The following SORCS2 variants were observed in gnomAD, a reference collection of about 807,000 sequenced individuals.
The protein encoded by SORCS2 is VPS10 domain-containing receptor SorCS2.
In SORCS2, 100 loss-of-function variants were observed where a neutral mutation model predicts 141.6. The ratio of observed to expected loss-of-function variants is 0.71; its 90% CI spans 0.60 to 0.83. SORCS2 has a LOEUF of 0.83. Ranked by LOEUF, SORCS2 falls within the 40% of genes least tolerant of loss-of-function variation. The pLI, the probability that SORCS2 is intolerant of heterozygous loss-of-function variation, is 0.00. For synonymous variants in SORCS2, 789 were observed against 676.9 expected (o/e 1.17, Z -2.57); for missense variants, 1,646 against 1,560.2 (o/e 1.05, Z -0.93).
At chr4:7,268,938 G>A (rs2108838153) in intron 1 of SORCS2, among the ~76,000 whole-genome samples, 1 of 152,226 alleles carries the variant, frequency 6.6e-6, no homozygotes, top group South Asian at 2.1e-4. Flanking sequence ...GAGGGAAGGA[G>A]GGAGGTGGCA....
At chr4:7,372,441 G>C (rs138586419) in intron 1 of SORCS2, among the ~76,000 whole-genome samples, 2,555 of 152,162 alleles carry the variant, frequency 0.017, 73 homozygotes, top group African/African-American at 0.057. Flanking sequence ...CAAGTAGCTG[G>C]GATTACAGGC....
intron 2 of SORCS2, among the ~76,000 whole-genome samples, chr4:7,423,015 C>T (rs1432786487): frequency 2.1e-5 from 3 of 144,082 alleles, no homozygotes; most frequent in Admixed American, 6.9e-5. Context: ...ACCCCTCTCT[C>T]CACTTCTCAG....
At chr4:7,498,522 C>G (rs989060742) in intron 2 of SORCS2, among the ~76,000 whole-genome samples, 26 of 152,246 alleles carry the variant, frequency 1.7e-4, no homozygotes, top group Non-Finnish European at 3.5e-4. Flanking sequence ...AATCCCAACC[C>G]CTCCCTAGCT....
rs1055379340 is a variant in SORCS2 at position 7,193,559 on chromosome 4, G to C, written c.480+433G>C. On this transcript the variant is annotated intron_variant, in intron 1 of 26. Coordinates refer to ENST00000507866, the MANE Select transcript of SORCS2 (RefSeq NM_020777.3). The surrounding 1 kb of genome is among the most constrained non-coding windows in gnomAD (Gnocchi z 4.8). ...GGGCTCCGGGATCCTTCCCTCCCTG[G>C]TCTACCAGGGACTCCGCGGTGGCGC... Among the ~76,000 whole-genome samples the C allele has an allele frequency of 1.3e-5, 2 of 152,134 alleles. No individual in the cohort carries two copies. The highest frequency in any genetic ancestry group is 4.8e-5 in the African/African-American group (2 of 41,432).
chr4:7,658,331 G>A (rs62290684), intron 5 of SORCS2, among the ~76,000 whole-genome samples: 204 of 146,006 alleles, frequency 1.4e-3, no homozygotes, highest in African/African-American at 4.6e-3. Flanking sequence ...GGGTGAGTGG[G>A]TGAATGAATG....
At chr4:7,602,813 G>T (rs1380597065) in intron 3 of SORCS2, among the ~76,000 whole-genome samples, 1 of 152,228 alleles carries the variant, frequency 6.6e-6, no homozygotes, top group Non-Finnish European at 1.5e-5. Flanking sequence ...CAGGCGGCTG[G>T]GAGGTGGAGG....
At chr4:7,692,637 G>T (rs1032021848) in intron 11 of SORCS2, among the ~76,000 whole-genome samples, 7 of 152,222 alleles carry the variant, frequency 4.6e-5, no homozygotes, top group African/African-American at 1.2e-4. Flanking sequence ...GGAGCAAAGG[G>T]ATGATGACCG....
intron 1 of SORCS2, among the ~76,000 whole-genome samples, chr4:7,198,882 G>T (rs528490986): frequency 1.3e-5 from 2 of 152,134 alleles, no homozygotes; most frequent in African/African-American, 2.4e-5. Context: ...CCACAGGCTC[G>T]CACGGTGACC....
At chr4:7,586,958 G>T (rs945356529) in intron 3 of SORCS2, among the ~76,000 whole-genome samples, 16 of 152,012 alleles carry the variant, frequency 1.1e-4, no homozygotes, top group African/African-American at 3.1e-4. Flanking sequence ...GATGTTCTGT[G>T]TTGGACTGTA....
chr4:7,672,437 A>T (rs1318735834), intron 8 of SORCS2, among the ~76,000 whole-genome samples: 1 of 152,222 alleles, frequency 6.6e-6, no homozygotes, highest in East Asian at 1.9e-4. Context: ...TCTTTCATGA[A>T]TTTTATATAA....
intron 1 of SORCS2, among the ~76,000 whole-genome samples, chr4:7,374,827 C>G (rs1029068647): frequency 6.6e-6 from 1 of 152,232 alleles, no homozygotes; most frequent in South Asian, 2.1e-4. Flanking sequence ...CTGGGTAGAC[C>G]GCGGGTGGGG....
At chr4:7,314,720 C>T (rs1305708051) in intron 1 of SORCS2, among the ~76,000 whole-genome samples, 1 of 149,688 alleles carries the variant, frequency 6.7e-6, no homozygotes, top group African/African-American at 2.5e-5. Context: ...GGGACCAGGT[C>T]TTGTCACTTG....
chr4:7,663,570 C>T lies in SORCS2; in HGVS notation c.953-783C>T, dbSNP rs1034133861. Among the ~76,000 whole-genome samples, 3 of 152,236 alleles carry T rather than the reference C, an allele frequency of 2.0e-5. No individual in the cohort carries two copies. Among genetic ancestry groups the T allele is most frequent in the African/African-American group, 7.2e-5 (3 of 41,462 alleles). ...CTGTGTACACTGCCTTCTGCCTCCT[C>T]TGAACAGACCGGGCAGGTGGGCCCA... On this transcript the variant is annotated intron_variant, in intron 6 of 26. Transcript: ENST00000507866. The surrounding 1 kb of genome is among the most constrained non-coding windows in gnomAD (Gnocchi z 4.8).
chr4:7,427,252 TG>T (rs963878455), intron 2 of SORCS2, among the ~76,000 whole-genome samples: 14 of 151,822 alleles, frequency 9.2e-5, no homozygotes, highest in African/African-American at 2.9e-4. Context: ...ACTCAGGCTC[TG>T]GGGGGGGCTT....
At chr4:7,515,418 G>T (rs1241845073) in intron 2 of SORCS2, among the ~76,000 whole-genome samples, 1 of 152,202 alleles carries the variant, frequency 6.6e-6, no homozygotes, top group African/African-American at 2.4e-5. Flanking sequence ...GAGCAGGTCT[G>T]CGAGCTCTGC....
At chr4:7,525,064 G>A (rs989586606) in intron 2 of SORCS2, among the ~76,000 whole-genome samples, 4 of 152,242 alleles carry the variant, frequency 2.6e-5, no homozygotes, top group Non-Finnish European at 5.9e-5. Flanking sequence ...CCCACTGGGC[G>A]TTCTCCAGCT....
At chr4:7,500,923 A>T (rs546476986) in intron 2 of SORCS2, among the ~76,000 whole-genome samples, 120 of 151,824 alleles carry the variant, frequency 7.9e-4, no homozygotes, top group African/African-American at 2.7e-3. Context: ...ACCAGCCCCG[A>T]CTCCTGTGAT....
intron 1 of SORCS2, among the ~76,000 whole-genome samples, chr4:7,384,881 A>G (rs909726819): frequency 1.3e-5 from 2 of 152,228 alleles, no homozygotes; most frequent in African/African-American, 4.8e-5. Flanking sequence ...GGGCGCGGAC[A>G]CTGCATTCGA....
chr4:7,352,164 C>G (rs553502181), intron 1 of SORCS2, among the ~76,000 whole-genome samples: 1 of 152,336 alleles, frequency 6.6e-6, no homozygotes, highest in Admixed American at 6.5e-5. Flanking sequence ...GAATTTTCAT[C>G]CCTCTAAATT....
Sources: allele counts gnomAD v4.1 joint callset (sites outside exome capture counted in the v4.1 genomes callset), GRCh38; gene constraint gnomAD v4.1.1; non-coding constraint Gnocchi (gnomAD v3.1); transcripts MANE v1.5; gene names NCBI Gene and HGNC (gene_info 2026-07-23, HGNC 2026-07-21).